Variants in LRP1B observed in about 807,000 individuals in gnomAD.
The protein encoded by LRP1B is LDL receptor related protein 1B, also known as low-density lipoprotein receptor-related protein 1B.
LRP1B carries 217 observed loss-of-function variants against 556.6 expected under a neutral mutation model. The ratio of observed to expected loss-of-function variants is 0.39; its 90% CI spans 0.35 to 0.44. The LOEUF (loss-of-function observed/expected upper bound fraction) is 0.44. Ranked by LOEUF, LRP1B falls within the 20% of genes least tolerant of loss-of-function variation. LRP1B has a pLI of 1.00. For missense variants in LRP1B, 5,053 were observed against 5,620.8 expected (o/e 0.90, Z 3.23); for synonymous variants, 2,047 against 1,865.8 (o/e 1.10, Z -2.50).
intron 62 of LRP1B, among the ~76,000 whole-genome samples, chr2:140,454,325 T>C (rs1386900504): frequency 6.6e-6 from 1 of 151,920 alleles, no homozygotes; most frequent in Non-Finnish European, 1.5e-5. Context: ...ATTTTTAATA[T>C]TTTTTAGTAG....
intron 10 of LRP1B, among the ~76,000 whole-genome samples, chr2:141,051,469 C>T (rs550275446): frequency 8.7e-4 from 132 of 152,148 alleles, no homozygotes; most frequent in African/African-American, 3.0e-3. Context: ...AGATCATGTC[C>T]TTTGCAGGGA....
At chr2:140,795,166 G>A (rs1690260906) in intron 32 of LRP1B, among the ~76,000 whole-genome samples, 1 of 152,106 alleles carries the variant, frequency 6.6e-6, no homozygotes, top group Admixed American at 6.5e-5. Context: ...TAAAGGTTCT[G>A]TGTCACCTAC....
intron 1 of LRP1B, among the ~76,000 whole-genome samples, chr2:142,064,081 T>C (rs1229415314): frequency 6.6e-6 from 1 of 151,782 alleles, no homozygotes; most frequent in East Asian, 1.9e-4. Flanking sequence ...TTTCTTTCTA[T>C]GTCTAGTAAA....
At chr2:141,810,130 AAAG>A (rs1475213299) in intron 2 of LRP1B, 146 bp downstream of exon 2, 21 of 420,320 alleles carry the variant, frequency 5.0e-5, no homozygotes, top group Non-Finnish European at 6.9e-5. Flanking sequence ...AGAAAGAAAG[AAAG>A]AAAGAAAGAA....
At chr2:140,282,254 G>A (rs1682945906) in intron 84 of LRP1B, among the ~76,000 whole-genome samples, 1 of 151,756 alleles carries the variant, frequency 6.6e-6, no homozygotes, top group African/African-American at 2.4e-5. Context: ...TAATTACGAT[G>A]TTGATAAACA....
At chr2:141,996,297 C>A (rs1388926260) in intron 1 of LRP1B, among the ~76,000 whole-genome samples, 1 of 151,884 alleles carries the variant, frequency 6.6e-6, no homozygotes, top group African/African-American at 2.4e-5. Flanking sequence ...CTAAAAGTAG[C>A]CGAATGACAT....
chr2:140,325,255 T>G (rs564691937), intron 80 of LRP1B, among the ~76,000 whole-genome samples: 2 of 152,024 alleles, frequency 1.3e-5, no homozygotes, highest in Non-Finnish European at 2.9e-5. Flanking sequence ...AAAACCGGTA[T>G]AGCAACAGAG....
At chr2:141,141,541 T>C (rs1199139267) in intron 7 of LRP1B, among the ~76,000 whole-genome samples, 1 of 152,186 alleles carries the variant, frequency 6.6e-6, no homozygotes, top group Non-Finnish European at 1.5e-5. Context: ...GGTAAATTTT[T>C]AAATCTTTCC....
intron 86 of LRP1B, among the ~76,000 whole-genome samples, chr2:140,260,715 G>T (rs1443431240): frequency 6.6e-6 from 1 of 151,426 alleles, no homozygotes; most frequent in Admixed American, 6.6e-5. Flanking sequence ...AGGTCTTTAC[G>T]CAAATACCAT....
intron 1 of LRP1B, among the ~76,000 whole-genome samples, chr2:142,012,143 C>T (rs1189877052): frequency 6.6e-6 from 1 of 151,996 alleles, no homozygotes; most frequent in Non-Finnish European, 1.5e-5. Context: ...TAAGATTAAT[C>T]AAATTTTTAA....
intron 1 of LRP1B, among the ~76,000 whole-genome samples, chr2:141,821,726 A>G (rs886496627): frequency 2.0e-5 from 3 of 152,192 alleles, no homozygotes; most frequent in Admixed American, 6.5e-5. Context: ...ATTGGATGCT[A>G]CCAAATGTGT....
intron 10 of LRP1B, among the ~76,000 whole-genome samples, chr2:141,052,713 T>C (rs1296041771): frequency 1.3e-5 from 2 of 151,962 alleles, no homozygotes; most frequent in Non-Finnish European, 2.9e-5. Flanking sequence ...TCTCAGCTTA[T>C]TGCAACCTCT....
At chr2:141,974,102 A>G (rs1701818694) in intron 1 of LRP1B, among the ~76,000 whole-genome samples, 1 of 151,994 alleles carries the variant, frequency 6.6e-6, no homozygotes, top group African/African-American at 2.4e-5. Flanking sequence ...TGATACTGAA[A>G]AAGAGTCTCT....
intron 68 of LRP1B, 151 bp downstream of exon 68, chr2:140,378,029 A>G (rs540684204): frequency 1.9e-4 from 114 of 593,578 alleles, no homozygotes; most frequent in African/African-American, 1.8e-3. Context: ...TGGGGATGTG[A>G]AGCACAGCAC....
chr2:140,724,527 T>C (rs1446069383), intron 35 of LRP1B, among the ~76,000 whole-genome samples: 2 of 152,186 alleles, frequency 1.3e-5, no homozygotes, highest in South Asian at 2.1e-4. Context: ...CCCAAAATTA[T>C]GTGTTAAATT....
At chr2:141,097,238 T>A (rs1700345637) in intron 7 of LRP1B, among the ~76,000 whole-genome samples, 1 of 152,222 alleles carries the variant, frequency 6.6e-6, no homozygotes, top group Non-Finnish European at 1.5e-5. Flanking sequence ...TGGTAATTTA[T>A]GCTCACTCAG....
chr2:140,714,582 G>T (rs1687146309), intron 37 of LRP1B, among the ~76,000 whole-genome samples: 1 of 152,050 alleles, frequency 6.6e-6, no homozygotes, highest in Non-Finnish European at 1.5e-5. Flanking sequence ...TAATATAAAT[G>T]GACTTATTGC....
intron 66 of LRP1B, among the ~76,000 whole-genome samples, chr2:140,400,462 A>C (rs886232857): frequency 1.3e-5 from 2 of 151,098 alleles, no homozygotes; most frequent in East Asian, 1.9e-4. Context: ...TTACTTCCCC[A>C]CTCCCCTATT....
chr2:141,339,422 T>C (rs1687972510), intron 3 of LRP1B, among the ~76,000 whole-genome samples: 1 of 152,196 alleles, frequency 6.6e-6, no homozygotes. Context: ...TTTAGGCTTT[T>C]CTTTTACTAC....
Sources: gnomAD v4.1 joint callset for allele counts (sites outside exome capture counted in the v4.1 genomes callset) on GRCh38, gnomAD v4.1.1 for gene constraint, MANE v1.5 for transcripts, NCBI Gene and HGNC (gene_info 2026-07-23, HGNC 2026-07-21) for gene names.